SEC16A: variants seen among roughly 807,000 people sequenced by gnomAD.
SEC16A encodes SEC16 homolog A, endoplasmic reticulum export factor, also known as protein transport protein Sec16A.
In SEC16A, 110 loss-of-function variants were observed where a neutral mutation model predicts 221.9. The ratio of observed to expected loss-of-function variants is 0.50; its 90% CI spans 0.42 to 0.58. SEC16A has a LOEUF of 0.58. Ranked by LOEUF, SEC16A falls within the 20% of genes least tolerant of loss-of-function variation. The probability of loss-of-function intolerance (pLI) is 0.00; values close to 1 mark genes in which losing one functional copy is unlikely to be tolerated. For synonymous variants in SEC16A, 1,393 were observed against 1,257.7 expected, an observed-to-expected ratio of 1.11 and a Z score of -2.28; for missense variants, 3,165 against 3,097.8, an observed-to-expected ratio of 1.02 and a Z score of -0.52.
At chr9:136,480,481 T>C (rs1256162110) in intron 1 of SEC16A, among the ~76,000 whole-genome samples, 1 of 152,242 alleles carries the variant, frequency 6.6e-6, no homozygotes, top group Non-Finnish European at 1.5e-5. Flanking sequence ...TTCTGCAATG[T>C]ATTTTTGTCT....
intron 1 of SEC16A, among the ~76,000 whole-genome samples, chr9:136,479,281 T>G (rs1457677165): frequency 6.6e-6 from 1 of 152,184 alleles, no homozygotes; most frequent in East Asian, 1.9e-4. Context: ...AGCACCACCC[T>G]CATGAACAAA....
At position 136,453,617 on chromosome 9, in the gene SEC16A, C is replaced by T. The variant is rs902147357; in HGVS notation, c.6077-107G>A. ...CCACCTTCCCACCCAGCTACCGCCACACCAGCATGATCTGCAGAAACCAAG... is the reference window on the plus strand; with the variant it reads ...CCACCTTCCCACCCAGCTACCGCCATACCAGCATGATCTGCAGAAACCAAG... On this transcript the variant is annotated intron_variant, in intron 21 of 31. Coordinates refer to ENST00000684901, the MANE Select transcript of SEC16A (RefSeq NM_014866.2). 6.0e-6 allele frequency: 5 copies of T among 830,404 alleles called. No homozygotes were observed. In the African/African-American group the frequency reaches 6.7e-5, roughly 11 times the overall value. 51.4% of individuals were successfully genotyped at this position (830,404 alleles called of 1,614,324 possible).
intron 3 of SEC16A, among the ~76,000 whole-genome samples, chr9:136,472,414 G>A (rs534172843): frequency 2.1e-4 from 32 of 152,352 alleles, no homozygotes; most frequent in Admixed American, 3.3e-4. Context: ...GATGGACCCA[G>A]GGCACCAGCA....
At chr9:136,445,784 C>CA in intron 28 of SEC16A, 65 bp from the exon 29 acceptor site, 1 of 1,371,582 alleles carries the variant, frequency 7.3e-7, no homozygotes, top group Non-Finnish European at 1.0e-6. Context: ...CACACCAGGC[C>CA]AAAAAATATG....
rs1190841856 is a variant in SEC16A at position 136,447,338 on chromosome 9, C to A, written c.6586G>T (p.Val2196Phe). 1 of 1,598,288 alleles carries A rather than the reference C, an allele frequency of 6.3e-7. No individual in the cohort carries two copies. ...CGCTGGGTCCCGCTTGGGTTCAGGACGTCAACGTAGCGAGCTCTGGTTCCT... is the reference window on the plus strand; with the variant it reads ...CGCTGGGTCCCGCTTGGGTTCAGGAAGTCAACGTAGCGAGCTCTGGTTCCT... ...AAGTRARYVD[V>F]LNPSGTQRSE... is the part of the protein sequence containing the mutation. Residue 2196 changes from valine to phenylalanine, a missense_variant, in exon 27 of 32, where the codon GTC becomes TTC. Physicochemically the swap from Val to Phe is conservative, Grantham distance 50 (BLOSUM62 -1). Around this residue, in one of 3 missense-constraint regions of SEC16A, gnomAD observed 1,088 missense variants for 1,089.6 expected, o/e 1.00. Transcript: ENST00000684901. The surrounding 1 kb of genome is among the most constrained non-coding windows in gnomAD (Gnocchi z 5.5).
At chr9:136,482,865 G>A (rs1842586558) in intron 1 of SEC16A, 73 bp downstream of exon 1, 1 of 579,884 alleles carries the variant, frequency 1.7e-6, no homozygotes, top group African/African-American at 2.0e-5. Context: ...CGACCTCCAC[G>A]GCCTGGCTCC....
intron 1 of SEC16A, among the ~76,000 whole-genome samples, chr9:136,479,657 A>G (rs1383733201): frequency 6.6e-6 from 1 of 152,126 alleles, no homozygotes; most frequent in East Asian, 1.9e-4. Flanking sequence ...TGGCCAATCC[A>G]CACATCTTTG....
intron 1 of SEC16A, among the ~76,000 whole-genome samples, chr9:136,480,845 G>C (rs1669726728): frequency 6.6e-6 from 1 of 151,702 alleles, no homozygotes; most frequent in Non-Finnish European, 1.5e-5. Context: ...AGCTGAGATC[G>C]CGCCACTGCA....
At chr9:136,455,565 C>T (rs1476139896) in intron 20 of SEC16A, 36 bp downstream of exon 20, 1 of 1,512,074 alleles carries the variant, frequency 6.6e-7, no homozygotes, top group Non-Finnish European at 8.8e-7. Flanking sequence ...GAAGCAGGGG[C>T]TTGTCTGAGG....
In SEC16A at chr9:136,474,180, C is replaced by A. The variant is rs1388673928; in HGVS notation, c.3436G>T (p.Ala1146Ser). ...TGAGGCGGTGGGCCGGGGGCAAGTG[C>A]AGGCACTGGCTGTGGCCACGGCTGC... ...SEQPWPQPVPALAPGPPPQDL... is the reference protein window; with the variant it reads ...SEQPWPQPVPSLAPGPPPQDL... Residue 1146 changes from alanine to serine, a missense_variant, in exon 3 of 32, where the codon GCA becomes TCA. Physicochemically the swap from Ala to Ser is moderately conservative, Grantham distance 99 (BLOSUM62 1). This residue lies in a region of SEC16A where 2,030 missense variants were observed against 1,923.1 expected (regional missense o/e 1.06). Transcript: ENST00000684901. 1 of 1,612,948 alleles carries A rather than the reference C, an allele frequency of 6.2e-7. No individual in the cohort carries two copies. The highest frequency in any genetic ancestry group is 8.5e-7 in the Non-Finnish European group (1 of 1,179,804).
chr9:136,446,456 T>C (rs1426360902), intron 28 of SEC16A, among the ~76,000 whole-genome samples: 1 of 152,014 alleles, frequency 6.6e-6, no homozygotes, highest in Non-Finnish European at 1.5e-5. Context: ...TTTTTGTTTT[T>C]TTTTTTTGGA....
intron 1 of SEC16A, among the ~76,000 whole-genome samples, chr9:136,481,835 T>C (rs1842404065): frequency 6.6e-6 from 1 of 152,068 alleles, no homozygotes; most frequent in African/African-American, 2.4e-5. Context: ...TACAGTTAGA[T>C]GTTGAAGAGG....
intron 11 of SEC16A, 121 bp from the exon 12 acceptor site, chr9:136,463,253 GGC>G: frequency 7.1e-7 from 1 of 1,405,990 alleles, no homozygotes; most frequent in African/African-American, 1.4e-5. Context: ...CCGAAAGGCT[GGC>G]AAGGCTGGGC....
At chr9:136,444,485 C>T (rs1456657814) in intron 30 of SEC16A, among the ~76,000 whole-genome samples, 4 of 152,184 alleles carry the variant, frequency 2.6e-5, no homozygotes, top group South Asian at 2.1e-4. Flanking sequence ...GACCCAGGCC[C>T]GTCATTGGAA....
Position 136,476,220 on chromosome 9 carries a change from G to T in SEC16A, c.1396C>A (p.Gln466Lys), listed in dbSNP as rs1381175782. The part of the protein sequence containing the change: ...YENVENLEFV[Q>K]NQEVLPSEPL... ...TCACTTGGCAGAACTTCTTGATTCT[G>T]AACAAATTCTAAGTTCTCAACATTC... is the stretch of plus-strand genomic sequence containing the variant. Residue 466 changes from glutamine (Q) to lysine (K), a missense_variant, in exon 3 of 32, where the codon CAG becomes AAG. Physicochemically the swap from Gln to Lys is moderately conservative, Grantham distance 53. Coordinates refer to ENST00000684901, the MANE Select transcript of SEC16A (RefSeq NM_014866.2). 9 of 1,613,746 alleles carry T rather than the reference G, an allele frequency of 5.6e-6. No homozygotes were observed. Among genetic ancestry groups the T allele is most frequent in the Non-Finnish European group, 7.6e-6 (9 of 1,179,896 alleles).
Position 136,467,891 on chromosome 9 carries a change from G to A in SEC16A, c.3802+524C>T, listed in dbSNP as rs146141030. Among the ~76,000 whole-genome samples the A allele has an allele frequency of 3.3e-5, 5 of 152,312 alleles. No homozygotes were observed. The East Asian group carries it at 5.8e-4, about 18-fold the overall frequency. ...TTCCCGGGGACATGGCCACTGTGCC[G>A]CACACACTGCATGGAGGACAGATGT... On this transcript the variant is annotated intron_variant, in intron 5 of 31. Coordinates refer to ENST00000684901, the MANE Select transcript of SEC16A (RefSeq NM_014866.2).
intron 5 of SEC16A, among the ~76,000 whole-genome samples, chr9:136,467,692 AG>A (rs1419962577): frequency 6.6e-6 from 1 of 152,250 alleles, no homozygotes; most frequent in African/African-American, 2.4e-5. Flanking sequence ...GCAAGTATTA[AG>A]AAAAAGTTCT....
chr9:136,459,351 T>G lies in SEC16A; in HGVS notation c.5303+93A>C. On this transcript the variant is annotated intron_variant, in intron 16 of 31. Transcript: ENST00000684901. This position sits in a 1 kb window ranked among gnomAD's most constrained non-coding sequence, Gnocchi z 6.1. ...TCCCACCACGTGACAAATAAAGACA[T>G]GATTCTGGCCATTTCTGAATTCACT... The G allele has an allele frequency of 7.1e-7, 1 of 1,408,250 alleles. No individual in the cohort carries two copies. The allele number at this position is 1,408,250 out of a possible 1,614,324, so 87.2% of individuals were successfully genotyped here.
intron 13 of SEC16A, among the ~76,000 whole-genome samples, chr9:136,460,683 G>A (rs1813230269): frequency 4.0e-5 from 6 of 151,898 alleles, no homozygotes; most frequent in Middle Eastern, 3.4e-3. Flanking sequence ...AGGCCAAGGC[G>A]GGCAGATCCC....
Sources: allele counts gnomAD v4.1 joint callset (sites outside exome capture counted in the v4.1 genomes callset), GRCh38; gene constraint gnomAD v4.1.1; regional missense constraint gnomAD v4.1.1; non-coding constraint Gnocchi (gnomAD v3.1); transcripts MANE v1.5; gene names NCBI Gene and HGNC (gene_info 2026-07-23, HGNC 2026-07-21).